Variants in MTMR2 observed in about 807,000 individuals in gnomAD.
MTMR2 encodes the protein myotubularin related protein 2, also known as phosphatidylinositol-3,5-bisphosphate 3-phosphatase MTMR2.
MTMR2 carries 55 observed loss-of-function variants against 86.9 expected under a neutral mutation model. The ratio of observed to expected loss-of-function variants is 0.63; its 90% confidence interval spans 0.51 to 0.79. MTMR2 has a LOEUF of 0.79. Among genes scored for constraint, MTMR2 ranks in the 30% least tolerant of loss-of-function variants. MTMR2 has a pLI of 0.00. For synonymous variants in MTMR2, 241 were observed against 266.8 expected, an observed-to-expected ratio of 0.90 and a Z score of 0.94; for missense variants, 659 against 772.3, an observed-to-expected ratio of 0.85 and a Z score of 1.74.
intron 2 of MTMR2, among the ~76,000 whole-genome samples, chr11:95,871,571 C>G (rs1174550757): frequency 1.3e-5 from 2 of 152,180 alleles, no homozygotes; most frequent in South Asian, 4.1e-4. Context: ...CTTTCACCCA[C>G]TTTTTGATGG....
rs1318951487 is a variant in MTMR2, at chr11:95,834,603, T to G, written c.*687A>C. On this transcript the variant is annotated 3_prime_UTR_variant, in exon 15 of 15. Transcript: ENST00000346299. The stretch of plus-strand genomic sequence containing the variant: ...GCATGGAATTCTTTGAACTCCTGTA[T>G]GGCTACTTTCTCCCCTTCATTTTCC... The G allele has an allele frequency of 6.6e-6, 1 of 152,418 alleles. No individual in the cohort carries two copies. The highest frequency in any genetic ancestry group is 2.4e-5 in the African/African-American group (1 of 41,438). 9.4% of individuals were successfully genotyped at this position (152,418 alleles called of 1,614,324 possible).
At chr11:95,861,159 A>G (rs941584580) in intron 5 of MTMR2, among the ~76,000 whole-genome samples, 1 of 151,610 alleles carries the variant, frequency 6.6e-6, no homozygotes, top group Non-Finnish European at 1.5e-5. Context: ...CAAAAAAAAA[A>G]AAAAAGAAAA....
intron 5 of MTMR2, among the ~76,000 whole-genome samples, chr11:95,858,958 G>A (rs1431336266): frequency 2.0e-5 from 3 of 152,168 alleles, no homozygotes; most frequent in African/African-American, 7.2e-5. Flanking sequence ...TTAATATCAT[G>A]ACTGATACAA....
At position 95,850,769 on chromosome 11, in the gene MTMR2, TAAGAC is replaced by T; in HGVS notation, c.655-25_655-21del. On this transcript the variant is annotated intron_variant, in intron 7 of 14. Coordinates refer to ENST00000346299, the MANE Select transcript of MTMR2 (RefSeq NM_016156.6). ...AATTCCCTACATGTGAAATGAAACA[TAAGAC>T]AAATTACTATATAACTAAAATATTA... 1 of 1,595,000 alleles carries T rather than the reference TAAGAC, an allele frequency of 6.3e-7. No homozygotes were observed. Among genetic ancestry groups the T allele is most frequent in the Non-Finnish European group, 8.6e-7 (1 of 1,165,222 alleles).
intron 1 of MTMR2, among the ~76,000 whole-genome samples, chr11:95,888,971 G>A (rs1263753769): frequency 1.3e-5 from 2 of 152,114 alleles, no homozygotes; most frequent in African/African-American, 2.4e-5. Flanking sequence ...ACAAATAGTT[G>A]AATAAGGGTG....
In MTMR2 at chr11:95,847,864, A is replaced by G. The variant is rs749553516; in HGVS notation, c.1029T>C (p.Tyr343=). 3.1e-6 allele frequency: 5 copies of G among 1,613,790 alleles called. No homozygotes were observed. The highest frequency in any genetic ancestry group is 4.2e-6 in the Non-Finnish European group (5 of 1,179,772). The part of the protein sequence containing the change: ...KGGGYESEDA[Y]QNAELVFLDI... Reference sequence around the variant, plus strand: ...CCAGGAAAACTAGTTCAGCATTTTGATAGGCATCTTCACTTTCATAACCTC... The same window carrying G: ...CCAGGAAAACTAGTTCAGCATTTTGGTAGGCATCTTCACTTTCATAACCTC... The change falls in exon 10 of 15, where the codon TAT becomes TAC. Residue 343 remains tyrosine, a synonymous_variant. Transcript: ENST00000346299.
chr11:95,845,032 T>A lies in MTMR2; in HGVS notation c.1307A>T (p.Asp436Val). Residue 436 changes from aspartate to valine, a missense_variant, in exon 11 of 15, where the codon GAT becomes GTT. Around this residue, in one of 3 missense-constraint regions of MTMR2, gnomAD observed 387 missense variants for 526.3 expected, o/e 0.74. Coordinates refer to ENST00000346299, the MANE Select transcript of MTMR2 (RefSeq NM_016156.6). ...QLTSLAMLML[D>V]GYYRTIRGFE... ...TCCTCGGATGGTTCGATAGTATCCA[T>A]CCAACATGAGCATGGCAAGGGAAGT... The A allele has an allele frequency of 6.2e-7, 1 of 1,613,978 alleles. No homozygotes were observed. The highest frequency in any genetic ancestry group is 8.5e-7 in the Non-Finnish European group (1 of 1,179,900).
rs1031194747 is a variant in MTMR2, at chr11:95,874,276, C to A, written c.187-8600G>T. ...AGGACTTGCTTTATGAATCTGGGTG[C>A]TCCTGTATTAGGTGCATATATATTT... On this transcript the variant is annotated intron_variant, in intron 2 of 14. Coordinates refer to ENST00000346299, the MANE Select transcript of MTMR2 (RefSeq NM_016156.6). 6.6e-5 allele frequency among the ~76,000 whole-genome samples: 10 copies of A among 152,284 alleles called. No individual in the cohort carries two copies. In the East Asian group the frequency reaches 1.2e-3, roughly 18 times the overall value.
chr11:95,892,012 T>G (rs1204732780), intron 1 of MTMR2, among the ~76,000 whole-genome samples: 3 of 152,272 alleles, frequency 2.0e-5, no homozygotes, highest in African/African-American at 7.2e-5. Flanking sequence ...GTGGGCACAG[T>G]AGGATGCATA....
At position 95,847,708 on chromosome 11, in the gene MTMR2, A is replaced by G. The variant is rs1202188275; in HGVS notation, c.1179+6T>C. 2.5e-6 allele frequency: 4 copies of G among 1,608,650 alleles called. No homozygotes were observed. Among genetic ancestry groups the G allele is most frequent in the Non-Finnish European group, 3.4e-6 (4 of 1,175,186 alleles). On this transcript the variant is annotated splice_donor_region_variant and intron_variant, in intron 10 of 14. Coordinates refer to ENST00000346299, the MANE Select transcript of MTMR2 (RefSeq NM_016156.6). ...CTTTGTTTGGGATATAGTAACACAC[A>G]CCCACCTTAATATGTTCTAGCCAAT... is the stretch of plus-strand genomic sequence containing the variant.
rs1393610284 is a variant in MTMR2, at chr11:95,836,253, G to C, written c.1665C>G (p.Leu555=). ...GGACATGATTGGAATAGCTCCCATAGAGAGGATTAGTGAAGTCTTCCAGCT... is the reference window on the plus strand; with the variant it reads ...GGACATGATTGGAATAGCTCCCATACAGAGGATTAGTGAAGTCTTCCAGCT... ...NSQLEDFTNP[L]YGSYSNHVLY... The change falls in exon 14 of 15, where the codon CTC becomes CTG. Residue 555 remains leucine, a synonymous_variant. Coordinates refer to ENST00000346299, the MANE Select transcript of MTMR2 (RefSeq NM_016156.6). 1.1e-5 allele frequency: 18 copies of C among 1,613,016 alleles called. No homozygotes were observed. The highest frequency in any genetic ancestry group is 4.5e-5 in the East Asian group (2 of 44,854).
At chr11:95,875,975 A>T (rs1865095070) in intron 2 of MTMR2, among the ~76,000 whole-genome samples, 1 of 152,126 alleles carries the variant, frequency 6.6e-6, no homozygotes, top group South Asian at 2.1e-4. Context: ...TGTCTCAGAG[A>T]AGTACCCGGC....
intron 1 of MTMR2, among the ~76,000 whole-genome samples, chr11:95,923,114 G>T (rs1246070583): frequency 6.6e-6 from 1 of 152,134 alleles, no homozygotes; most frequent in African/African-American, 2.4e-5. Flanking sequence ...AAAGCTCTCT[G>T]CAAAGCTGCA....
chr11:95,839,071 T>C (rs1181296779), intron 12 of MTMR2, among the ~76,000 whole-genome samples: 1 of 151,990 alleles, frequency 6.6e-6, no homozygotes. Context: ...ACATCTTAGA[T>C]CCCTTCCTTT....
At chr11:95,882,305 C>G (rs945234884) in intron 2 of MTMR2, 5 of 152,056 alleles carry the variant, frequency 3.3e-5, no homozygotes, top group African/African-American at 1.2e-4. Context: ...CAAGGTCATC[C>G]TGGCTAACAC....
chr11:95,841,532 A>G (rs1238213497), intron 12 of MTMR2, 85 bp downstream of exon 12: 29 of 941,172 alleles, frequency 3.1e-5, no homozygotes, highest in Non-Finnish European at 4.8e-5. Context: ...TTAATGATCT[A>G]TAGGCTAATC....
In MTMR2 at chr11:95,849,711, A is replaced by T. The variant is rs1863940043; in HGVS notation, c.956T>A (p.Phe319Tyr). Residue 319 changes from phenylalanine to tyrosine, a missense_variant, in exon 9 of 15, where the codon TTT (phenylalanine) becomes TAT (tyrosine). By Grantham distance (22) the Phe-to-Tyr change is conservative. This residue lies in a region of MTMR2 where 387 missense variants were observed against 526.3 expected (regional missense o/e 0.74). Transcript: ENST00000346299. Reference protein sequence around the residue: ...SNAQSHKIFIFDARPSVNAVA... With the variant: ...SNAQSHKIFIYDARPSVNAVA... ...AGCATTAACACTTGGCCGGGCATCA[A>T]ATATAAAGATTTTGTGAGACTGGGC... 3 of 1,613,950 alleles carry T rather than the reference A, an allele frequency of 1.9e-6. No individual in the cohort carries two copies. The South Asian group carries it at 3.3e-5, about 18-fold the overall frequency.
At position 95,877,436 on chromosome 11, in the gene MTMR2, C is replaced by T. The variant is rs932980564; in HGVS notation, c.186+10720G>A. 2.1e-5 allele frequency among the ~76,000 whole-genome samples: 3 copies of T among 142,738 alleles called. No individual in the cohort carries two copies. In the East Asian group the frequency reaches 6.5e-4, roughly 31 times the overall value. The allele number at this position is 142,738 out of a possible 152,430, so 93.6% of individuals were successfully genotyped here. The stretch of plus-strand genomic sequence containing the variant: ...TAGCCAAAGCTGGAAAACGTTACAT[C>T]ACCATCCATGATTCAACAATAACAA... On this transcript the variant is annotated intron_variant, in intron 2 of 14. Coordinates refer to ENST00000346299, the MANE Select transcript of MTMR2 (RefSeq NM_016156.6).
At chr11:95,852,760 G>A (rs868801897) in intron 7 of MTMR2, among the ~76,000 whole-genome samples, 8 of 152,212 alleles carry the variant, frequency 5.3e-5, no homozygotes, top group African/African-American at 7.2e-5. Flanking sequence ...CGTGCTGGCC[G>A]GGCACGGTGG....
Sources: allele counts gnomAD v4.1 joint callset (sites outside exome capture counted in the v4.1 genomes callset), GRCh38; gene constraint gnomAD v4.1.1; regional missense constraint gnomAD v4.1.1; transcripts MANE v1.5; gene names NCBI Gene and HGNC (gene_info 2026-07-23, HGNC 2026-07-21).